Variants in TENM4 observed in about 807,000 individuals in gnomAD.
TENM4 encodes teneurin transmembrane protein 4, also known as teneurin-4.
Under a neutral mutation model 243.3 loss-of-function variants are expected in TENM4, and 82 were observed. That is an observed-to-expected ratio of 0.34 (90% confidence interval 0.28 to 0.40). The LOEUF is 0.40. Among genes scored for constraint, TENM4 ranks in the 10% least tolerant of loss-of-function variants. The pLI is 1.00. For missense variants in TENM4, 3,138 were observed against 3,673.3 expected (o/e 0.85, Z 3.77); for synonymous variants, 1,412 against 1,456.3 (o/e 0.97, Z 0.69).
intron 6 of TENM4, among the ~76,000 whole-genome samples, chr11:78,906,412 A>G (rs1349637449): frequency 6.6e-6 from 1 of 152,216 alleles, no homozygotes; most frequent in Non-Finnish European, 1.5e-5. Context: ...AGACAGTAGC[A>G]TCTGATGTCT....
chr11:78,937,342 T>G (rs1008590466), intron 6 of TENM4, among the ~76,000 whole-genome samples: 2 of 152,206 alleles, frequency 1.3e-5, no homozygotes, highest in African/African-American at 4.8e-5. Context: ...GGTGCTTTTC[T>G]GAACACAAGT....
At chr11:78,979,788 CA>C (rs1857750958) in intron 6 of TENM4, among the ~76,000 whole-genome samples, 1 of 152,130 alleles carries the variant, frequency 6.6e-6, no homozygotes, top group Non-Finnish European at 1.5e-5. Flanking sequence ...TGGTAGAATC[CA>C]GGGTCTGTCC....
intron 6 of TENM4, among the ~76,000 whole-genome samples, chr11:79,052,046 A>G (rs559714031): frequency 6.6e-6 from 1 of 152,262 alleles, no homozygotes. Flanking sequence ...GGTTGATTCC[A>G]TGTTTTTGCT....
chr11:79,327,721 C>A (rs1856997236), intron 1 of TENM4, among the ~76,000 whole-genome samples: 1 of 147,276 alleles, frequency 6.8e-6, no homozygotes, highest in African/African-American at 2.5e-5. Flanking sequence ...CTAAGGAAAC[C>A]AATGGAAAAA....
chr11:78,737,218 A>G (rs1220849247), intron 20 of TENM4, among the ~76,000 whole-genome samples: 2 of 152,218 alleles, frequency 1.3e-5, no homozygotes, highest in Non-Finnish European at 2.9e-5. Flanking sequence ...TACAGCAGGC[A>G]GCATCCTTCA....
At chr11:79,166,873 A>G (rs1287190884) in intron 3 of TENM4, among the ~76,000 whole-genome samples, 1 of 152,204 alleles carries the variant, frequency 6.6e-6, no homozygotes, top group Non-Finnish European at 1.5e-5. Context: ...AAAAGCATGA[A>G]CAATGGTTGA....
intron 6 of TENM4, among the ~76,000 whole-genome samples, chr11:79,049,646 A>G (rs1405219131): frequency 6.6e-6 from 1 of 152,182 alleles, no homozygotes; most frequent in Non-Finnish European, 1.5e-5. Flanking sequence ...CTGTGCCTAG[A>G]TTGTATTATG....
At chr11:79,382,987 C>G (rs778290230) in intron 1 of TENM4, among the ~76,000 whole-genome samples, 26 of 152,160 alleles carry the variant, frequency 1.7e-4, no homozygotes, top group Non-Finnish European at 2.9e-4. Context: ...CCTCCTGGGT[C>G]TCCCTCTGCC....
At chr11:78,698,258 C>T (rs557291161) in intron 28 of TENM4, among the ~76,000 whole-genome samples, 9 of 151,982 alleles carry the variant, frequency 5.9e-5, no homozygotes, top group African/African-American at 9.7e-5. Flanking sequence ...AAAAATTAGC[C>T]GGGCGTCGTG....
At chr11:79,301,894 A>G (rs1336330259) in intron 1 of TENM4, among the ~76,000 whole-genome samples, 3 of 152,174 alleles carry the variant, frequency 2.0e-5, no homozygotes, top group Non-Finnish European at 4.4e-5. Context: ...CCAGAAGCCC[A>G]GCAGATGCTG....
intron 12 of TENM4, among the ~76,000 whole-genome samples, chr11:78,835,276 G>A (rs539216660): frequency 6.6e-6 from 1 of 152,254 alleles, no homozygotes; most frequent in African/African-American, 2.4e-5. Context: ...GAGAGGCCGA[G>A]GTGGACAGAT....
At chr11:79,297,056 A>T (rs1400344166) in intron 2 of TENM4, among the ~76,000 whole-genome samples, 1 of 152,246 alleles carries the variant, frequency 6.6e-6, no homozygotes, top group Non-Finnish European at 1.5e-5. Context: ...GTCACAGAGC[A>T]GGTCATTGCA....
chr11:78,869,889 GGC>G (rs1859080760), intron 9 of TENM4, among the ~76,000 whole-genome samples: 1 of 152,188 alleles, frequency 6.6e-6, no homozygotes, highest in Non-Finnish European at 1.5e-5. Context: ...TTTGTTAAGA[GGC>G]TTTTTTCTCA....
intron 2 of TENM4, among the ~76,000 whole-genome samples, chr11:79,269,423 A>G (rs1434339902): frequency 6.6e-6 from 1 of 152,242 alleles, no homozygotes; most frequent in Non-Finnish European, 1.5e-5. Flanking sequence ...GAATAAAAAC[A>G]AAAATAAAGC....
chr11:79,148,218 G>A (rs76220910), intron 4 of TENM4, among the ~76,000 whole-genome samples: 213 of 152,208 alleles, frequency 1.4e-3, no homozygotes, highest in African/African-American at 4.6e-3. Context: ...CAAATAACAA[G>A]AAAAGATCTT....
chr11:79,067,821 A>G (rs1459860107), intron 5 of TENM4: 2 of 152,130 alleles, frequency 1.3e-5, no homozygotes, highest in African/African-American at 2.4e-5. Context: ...TTGACATCCC[A>G]TCTCACTCAA....
intron 1 of TENM4, among the ~76,000 whole-genome samples, chr11:79,364,077 C>T (rs937441213): frequency 1.3e-5 from 2 of 152,096 alleles, no homozygotes; most frequent in Non-Finnish European, 2.9e-5. Context: ...CTTTGCTGAT[C>T]GAGATGGAAA....
rs1221098082 is a variant in TENM4 at position 79,064,833 on chromosome 11, C to A, written c.398G>T (p.Gly133Val). ...GCTGCGCCCTGACCGTGTGCTCCGG[C>A]CCCACAGACGCACGGGGTGCTCAGG... is the stretch of plus-strand genomic sequence containing the variant. ...LSPEHPVRLW[G>V]RSTRSGRSSC... Residue 133 changes from glycine (G) to valine (V), a missense_variant, in exon 6 of 34, where the codon GGC becomes GTC. Transcript: ENST00000278550. 6.4e-7 allele frequency: 1 copy of A among 1,551,468 alleles called. No homozygotes were observed. Among genetic ancestry groups the A allele is most frequent in the Admixed American group, 2.0e-5 (1 of 51,004 alleles).
intron 9 of TENM4, among the ~76,000 whole-genome samples, chr11:78,868,715 G>C (rs887540986): frequency 3.9e-5 from 6 of 152,312 alleles, no homozygotes; most frequent in African/African-American, 1.4e-4. Flanking sequence ...GTGAGTTTCT[G>C]CTGTCACGAT....
Sources: gnomAD v4.1 joint callset for allele counts (sites outside exome capture counted in the v4.1 genomes callset) on GRCh38, gnomAD v4.1.1 for gene constraint, MANE v1.5 for transcripts, NCBI Gene and HGNC (gene_info 2026-07-23, HGNC 2026-07-21) for gene names.